MYO18A: variants seen among roughly 807,000 people sequenced by gnomAD.
MYO18A encodes myosin XVIIIA.
Under a neutral mutation model 235.8 loss-of-function variants are expected in MYO18A, and 78 were observed. That is an observed-to-expected ratio of 0.33 (90% CI 0.28 to 0.40). The LOEUF is 0.40. Ranked by LOEUF, MYO18A falls within the 10% of genes least tolerant of loss-of-function variation. The probability of loss-of-function intolerance (pLI) is 1.00; values close to 1 mark genes in which losing one functional copy is unlikely to be tolerated. For synonymous variants in MYO18A, 977 were observed against 1,077.8 expected (o/e 0.91, Z 1.83); for missense variants, 2,215 against 2,699.3 (o/e 0.82, Z 3.98).
chr17:29,090,256 C>G (rs1220748959), intron 36 of MYO18A, 158 bp from the exon 37 acceptor site: 2 of 804,716 alleles, frequency 2.5e-6, no homozygotes, highest in Non-Finnish European at 3.8e-6. Context: ...GAGGCCTCCC[C>G]CATCTGCCCC....
chr17:29,104,837 A>G (rs1158301439), intron 20 of MYO18A, among the ~76,000 whole-genome samples: 1 of 152,100 alleles, frequency 6.6e-6, no homozygotes, highest in Non-Finnish European at 1.5e-5. Context: ...AATGTCCCAG[A>G]AAGAACGGAG....
At chr17:29,086,884 C>CA in intron 38 of MYO18A, 52 bp downstream of exon 38, 1 of 1,550,272 alleles carries the variant, frequency 6.5e-7, no homozygotes, top group East Asian at 2.3e-5. Context: ...ATACACTCAG[C>CA]AGCTACTCAA....
At position 29,074,747 on chromosome 17, in the gene MYO18A, G is replaced by A. The variant is rs373759207; in HGVS notation, c.*23C>T. Reference sequence around the variant, plus strand: ...GGCAGCCACAGGCCCTGGGGTGAGAGGGCTGCCAACCACTCCCCTGGGCTA... The same window carrying A: ...GGCAGCCACAGGCCCTGGGGTGAGAAGGCTGCCAACCACTCCCCTGGGCTA... On this transcript the variant is annotated 3_prime_UTR_variant, in exon 42 of 42. Coordinates refer to ENST00000527372, the MANE Select transcript of MYO18A (RefSeq NM_078471.4). This position sits in a 1 kb window ranked among gnomAD's most constrained non-coding sequence, Gnocchi z 4.4. 1.9e-6 allele frequency: 3 copies of A among 1,613,176 alleles called. No individual in the cohort carries two copies. Among genetic ancestry groups the A allele is most frequent in the Non-Finnish European group, 2.5e-6 (3 of 1,179,228 alleles).
chr17:29,166,269 T>A lies in MYO18A; in HGVS notation c.672A>T (p.Gln224His), dbSNP rs765641656. The stretch of plus-strand genomic sequence containing the variant: ...AGCCAAAGTCTCCAGTGGGCCGTCG[T>A]TGCAGCTCCAGCTCCCGGAGGGTAG... ...PPPTLRELEL[Q>H]RRPTGDFGFS... The change falls in exon 2 of 42, where the codon CAA (glutamine) becomes CAT (histidine). Residue 224 changes from glutamine to histidine, a missense_variant. By Grantham distance (24) the Gln-to-His change is conservative. Transcript: ENST00000527372. The A allele has an allele frequency of 6.2e-7, 1 of 1,612,942 alleles. No homozygotes were observed. The highest frequency in any genetic ancestry group is 1.1e-5 in the South Asian group (1 of 91,084).
In MYO18A at chr17:29,074,029, G is replaced by A. The variant is rs114005460; in HGVS notation, c.*741C>T. On this transcript the variant is annotated 3_prime_UTR_variant, in exon 42 of 42. Coordinates refer to ENST00000527372, the MANE Select transcript of MYO18A (RefSeq NM_078471.4). This position sits in a 1 kb window ranked among gnomAD's most constrained non-coding sequence, Gnocchi z 4.4. ...AGGGTGGGGTGGGGGCTGGAGGTGC[G>A]GATGGTCCACACACACACTTGTCTG... is the stretch of plus-strand genomic sequence containing the variant. The A allele has an allele frequency of 3.7e-5, 59 of 1,613,836 alleles. 1 individual carries two copies. In the East Asian group the frequency reaches 8.0e-4, roughly 22 times the overall value.
chr17:29,175,020 A>G (rs760970463), intron 1 of MYO18A, among the ~76,000 whole-genome samples: 2 of 152,250 alleles, frequency 1.3e-5, no homozygotes, highest in South Asian at 4.1e-4. Context: ...CGTTGTGTAC[A>G]ATATTTGCAT....
chr17:29,119,309 C>T, intron 8 of MYO18A, 26 bp downstream of exon 8: 1 of 1,576,538 alleles, frequency 6.3e-7, no homozygotes, highest in Non-Finnish European at 8.7e-7. Context: ...TCAGAGAACC[C>T]TTGTGTACCC....
rs999644594 is a variant in MYO18A at position 29,074,683 on chromosome 17, G to T, written c.*87C>A. On this transcript the variant is annotated 3_prime_UTR_variant, in exon 42 of 42. Transcript: ENST00000527372. This position sits in a 1 kb window ranked among gnomAD's most constrained non-coding sequence, Gnocchi z 4.4. ...CCATGCAGATCAGCAGTCGGGTGGG[G>T]GAGACCGGTGCCCCACCACTTCCTG... is the stretch of plus-strand genomic sequence containing the variant. 15 of 1,469,846 alleles carry T rather than the reference G, an allele frequency of 1.0e-5. No individual in the cohort carries two copies. In the African/African-American group the frequency reaches 1.9e-4, roughly 19 times the overall value. The allele number at this position is 1,469,846 out of a possible 1,614,324, so 91.1% of individuals were successfully genotyped here. A position where few individuals can be genotyped will look rare whatever the true frequency, so the allele number is the denominator to read the frequency against.
intron 2 of MYO18A, among the ~76,000 whole-genome samples, chr17:29,133,306 C>T (rs1316447812): frequency 2.0e-5 from 3 of 152,222 alleles, no homozygotes; most frequent in African/African-American, 2.4e-5. Flanking sequence ...ACTATGCACA[C>T]GCATAAAGGC....
intron 2 of MYO18A, among the ~76,000 whole-genome samples, chr17:29,124,121 T>C (rs2067264361): frequency 6.6e-6 from 1 of 152,194 alleles, no homozygotes; most frequent in East Asian, 1.9e-4. Flanking sequence ...GGGAGACCTT[T>C]ATGTTGAATA....
At chr17:29,099,472 A>C (rs2066603164) in intron 22 of MYO18A, among the ~76,000 whole-genome samples, 162 bp downstream of exon 22, 1 of 151,918 alleles carries the variant, frequency 6.6e-6, no homozygotes, top group African/African-American at 2.4e-5. Context: ...TGGGCACACC[A>C]GCACACTTGC....
At chr17:29,133,952 A>AT in intron 2 of MYO18A, 2 of 851,364 alleles carry the variant, frequency 2.3e-6, no homozygotes, top group Non-Finnish European at 3.3e-6. Context: ...GTGGGCAACA[A>AT]GGGGAAAGGA....
Position 29,140,352 on chromosome 17 carries a change from G to A in MYO18A, c.1000-18099C>T. On this transcript the variant is annotated intron_variant, in intron 2 of 41. Coordinates refer to ENST00000527372, the MANE Select transcript of MYO18A (RefSeq NM_078471.4). The surrounding 1 kb of genome is among the most constrained non-coding windows in gnomAD (Gnocchi z 4.2). ...GAGGGACACTCACCCGCATGGCCTG[G>A]CCTGGAGCAGCCCAGAGCAAGGAGA... 7.8e-7 allele frequency: 1 copy of A among 1,280,596 alleles called. No individual in the cohort carries two copies. The highest frequency in any genetic ancestry group is 1.2e-5 in the South Asian group (1 of 80,014). The allele number at this position is 1,280,596 out of a possible 1,614,324, so 79.3% of individuals were successfully genotyped here. A position where few individuals can be genotyped will look rare whatever the true frequency, so the allele number is the denominator to read the frequency against.
chr17:29,083,455 CTG>C (rs1178771621), intron 40 of MYO18A, among the ~76,000 whole-genome samples: 2 of 150,940 alleles, frequency 1.3e-5, no homozygotes, highest in African/African-American at 4.9e-5. Context: ...TTCCTTTCCT[CTG>C]TGTCAAGAGG....
intron 2 of MYO18A, among the ~76,000 whole-genome samples, chr17:29,138,346 C>T (rs148035411): frequency 2.0e-3 from 305 of 152,170 alleles, no homozygotes; most frequent in African/African-American, 7.1e-3. Flanking sequence ...CCGCTTCTGA[C>T]AGCACTCACA....
At chr17:29,169,760 C>A (rs968283096) in intron 1 of MYO18A, among the ~76,000 whole-genome samples, 1 of 152,150 alleles carries the variant, frequency 6.6e-6, no homozygotes, top group Non-Finnish European at 1.5e-5. Context: ...AGTTCAACCA[C>A]AGAGAACCCA....
chr17:29,108,845 G>A lies in MYO18A; in HGVS notation c.3331+1013C>T, dbSNP rs571970808. ...GTGGCTGGGGGCCGGGTGAGGGAAG[G>A]GGGGCCTGCCGCTGCTGGCCTCATC... On this transcript the variant is annotated intron_variant, in intron 19 of 41. Transcript: ENST00000527372. Among the ~76,000 whole-genome samples, 31 of 152,334 alleles carry A rather than the reference G, an allele frequency of 2.0e-4. 1 individual carries two copies. The East Asian group carries it at 4.6e-3, about 23-fold the overall frequency.
At chr17:29,139,028 G>A (rs958308448) in intron 2 of MYO18A, among the ~76,000 whole-genome samples, 1 of 152,220 alleles carries the variant, frequency 6.6e-6, no homozygotes, top group Non-Finnish European at 1.5e-5. Context: ...CAGACAGCGG[G>A]GGAGGGGGAG....
chr17:29,115,805 G>C lies in MYO18A; in HGVS notation c.2086C>G (p.Gln696Glu). Residue 696 changes from glutamine (Q) to glutamate (E), a missense_variant, in exon 12 of 42, where the codon CAG becomes GAG. Gln to Glu is a conservative substitution (Grantham distance 29). Transcript: ENST00000527372. Reference sequence around the variant, plus strand: ...CAGCCCAGTAGGTACGCAGCCTTCTGGGCCCACTCATGGCGGGCAAACTGC... The same window carrying C: ...CAGCCCAGTAGGTACGCAGCCTTCTCGGCCCACTCATGGCGGGCAAACTGC... Reference protein sequence around the residue: ...RKQFARHEWAQKAAYLLGCSL... With the variant: ...RKQFARHEWAEKAAYLLGCSL... 1.3e-6 allele frequency: 2 copies of C among 1,590,616 alleles called. No homozygotes were observed. Among genetic ancestry groups the C allele is most frequent in the Non-Finnish European group, 1.7e-6 (2 of 1,168,460 alleles).
Sources: gnomAD v4.1 joint callset for allele counts (sites outside exome capture counted in the v4.1 genomes callset) on GRCh38, gnomAD v4.1.1 for gene constraint, Gnocchi (gnomAD v3.1) non-coding constraint, MANE v1.5 for transcripts, NCBI Gene and HGNC (gene_info 2026-07-23, HGNC 2026-07-21) for gene names.